The following CDH7 variants were observed in gnomAD, a reference collection of about 807,000 sequenced individuals.
The protein encoded by CDH7 is cadherin-7.
Under a neutral mutation model 71.8 loss-of-function variants are expected in CDH7, and 25 were observed. The ratio of observed to expected loss-of-function variants is 0.35; its 90% confidence interval spans 0.25 to 0.49. The LOEUF (loss-of-function observed/expected upper bound fraction) is 0.49, where lower values mean the gene tolerates loss of function less well. Among genes scored for constraint, CDH7 ranks in the 20% least tolerant of loss-of-function variants. CDH7 has a pLI of 0.99. For synonymous variants in CDH7, 381 were observed against 363.8 expected, an observed-to-expected ratio of 1.05 and a Z score of -0.54; for missense variants, 862 against 974.6, an observed-to-expected ratio of 0.88 and a Z score of 1.54.
chr18:65,854,896 G>A (rs191513804), intron 7 of CDH7, among the ~76,000 whole-genome samples: 93 of 146,092 alleles, frequency 6.4e-4, no homozygotes, highest in African/African-American at 2.1e-3. Context: ...ATACATATAC[G>A]TATGTATGTA....
intron 2 of CDH7, among the ~76,000 whole-genome samples, chr18:65,792,982 G>C (rs546613485): frequency 6.6e-6 from 1 of 152,216 alleles, no homozygotes; most frequent in African/African-American, 2.4e-5. Context: ...CCTTGATGCT[G>C]TACTCCGTGG....
intron 11 of CDH7, among the ~76,000 whole-genome samples, chr18:65,870,267 T>C (rs1314337001): frequency 1.3e-5 from 2 of 152,196 alleles, no homozygotes; most frequent in African/African-American, 4.8e-5. Context: ...AGTTGGTCCA[T>C]AAGTGCAAGA....
At chr18:65,848,862 G>C (rs1026409501) in intron 7 of CDH7, among the ~76,000 whole-genome samples, 3 of 152,074 alleles carry the variant, frequency 2.0e-5, no homozygotes, top group Non-Finnish European at 4.4e-5. Context: ...AGCATTCCTA[G>C]TATTGTATAT....
At chr18:65,863,703 T>C (rs1297144810) in intron 11 of CDH7, 1 of 152,222 alleles carries the variant, frequency 6.6e-6, no homozygotes, top group Non-Finnish European at 1.5e-5. Context: ...AATGCAAATC[T>C]TATATTTTTA....
At chr18:65,754,081 CA>C (rs1185721237) in intron 1 of CDH7, among the ~76,000 whole-genome samples, 1 of 152,132 alleles carries the variant, frequency 6.6e-6, no homozygotes, top group African/African-American at 2.4e-5. Context: ...ATAATTTTAC[CA>C]TTTTATTACA....
intron 2 of CDH7, among the ~76,000 whole-genome samples, chr18:65,770,133 G>A (rs75205363): frequency 0.013 from 2,040 of 152,210 alleles, 36 homozygotes; most frequent in African/African-American, 0.046. Context: ...GTTAGGTAAT[G>A]TTCATAATTT....
chr18:65,870,502 G>A (rs148958166), intron 11 of CDH7, among the ~76,000 whole-genome samples: 2 of 151,994 alleles, frequency 1.3e-5, no homozygotes, highest in African/African-American at 4.8e-5. Context: ...GCACTTACAT[G>A]GAATCTAAAT....
intron 2 of CDH7, among the ~76,000 whole-genome samples, chr18:65,773,493 G>T (rs897024733): frequency 1.3e-5 from 2 of 152,068 alleles, no homozygotes; most frequent in Non-Finnish European, 2.9e-5. Flanking sequence ...CTTAGTGGAA[G>T]CAGGAATTGT....
chr18:65,754,052 T>A (rs1915960534), intron 1 of CDH7, among the ~76,000 whole-genome samples: 1 of 151,982 alleles, frequency 6.6e-6, no homozygotes. Flanking sequence ...AAGAATAAAT[T>A]ATAAAAAACT....
intron 2 of CDH7, among the ~76,000 whole-genome samples, chr18:65,799,486 G>A (rs964249990): frequency 7.9e-5 from 12 of 152,060 alleles, no homozygotes; most frequent in Non-Finnish European, 1.5e-4. Flanking sequence ...GACCATCCTG[G>A]CTAAAGAGGT....
At chr18:65,778,863 G>C (rs1455074377) in intron 2 of CDH7, among the ~76,000 whole-genome samples, 1 of 151,814 alleles carries the variant, frequency 6.6e-6, no homozygotes, top group African/African-American at 2.4e-5. Flanking sequence ...TTCAACTAAT[G>C]GTTTTTATTT....
At chr18:65,851,246 G>T (rs893855953) in intron 7 of CDH7, among the ~76,000 whole-genome samples, 3 of 152,004 alleles carry the variant, frequency 2.0e-5, no homozygotes, top group Non-Finnish European at 4.4e-5. Flanking sequence ...TATCAAACCT[G>T]TACGATCCTT....
At position 65,781,784 on chromosome 18, in the gene CDH7, T is replaced by TTTCTTTCTTTCTA. The variant is rs1568181328; in HGVS notation, c.210+18733_210+18734insTCTTTCTTTCTAT. Among the ~76,000 whole-genome samples, 20 of 64,094 alleles carry TTTCTTTCTTTCTA rather than the reference T, an allele frequency of 3.1e-4. 2 individuals are homozygous for TTTCTTTCTTTCTA. Among genetic ancestry groups the TTTCTTTCTTTCTA allele is most frequent in the East Asian group, 8.6e-4 (2 of 2,322 alleles). The allele number at this position is 64,094 out of a possible 152,430, so 42.0% of individuals were successfully genotyped here. A position where few individuals can be genotyped will look rare whatever the true frequency, so the allele number is the denominator to read the frequency against. ...TTTCTTTCTTTCCTTCCTTCCTTCC[T>TTTCTTTCTTTCTA]TCCTTCCTTCCTTCCTTCCTTCCTT... On this transcript the variant is annotated intron_variant, in intron 2 of 11. Transcript: ENST00000397968.
chr18:65,832,829 T>G (rs926730362), intron 6 of CDH7, among the ~76,000 whole-genome samples: 1 of 152,126 alleles, frequency 6.6e-6, no homozygotes, highest in Admixed American at 6.6e-5. Context: ...TATATGGAAG[T>G]CTTTCCTCTA....
In CDH7 at chr18:65,888,078, G is replaced by T. The variant is rs1914418478; in HGVS notation, c.*7184G>T. On this transcript the variant is annotated 3_prime_UTR_variant, in exon 12 of 12. Transcript: ENST00000397968. The stretch of plus-strand genomic sequence containing the variant: ...AATGAGACATGAAGCATAAAACCTG[G>T]GGTCAGGATGTATGTCCAAACTGAA... 1 of 152,062 alleles carries T rather than the reference G, an allele frequency of 6.6e-6. No homozygotes were observed. The highest frequency in any genetic ancestry group is 2.4e-5 in the African/African-American group (1 of 41,394). 9.4% of individuals were successfully genotyped at this position (152,062 alleles called of 1,614,324 possible).
chr18:65,762,568 A>G (rs1334876202), intron 1 of CDH7, 79 bp from the exon 2 acceptor site: 4 of 232,042 alleles, frequency 1.7e-5, no homozygotes, highest in Non-Finnish European at 2.5e-5. Context: ...AAGAAAATCA[A>G]TAGTAGATTA....
At chr18:65,832,011 A>C (rs1236679678) in intron 6 of CDH7, among the ~76,000 whole-genome samples, 1 of 152,090 alleles carries the variant, frequency 6.6e-6, no homozygotes, top group Admixed American at 6.6e-5. Flanking sequence ...TAAAGTCATA[A>C]ATGTATTTGT....
At chr18:65,754,471 TA>T in intron 1 of CDH7, among the ~76,000 whole-genome samples, 1 of 152,274 alleles carries the variant, frequency 6.6e-6, no homozygotes, top group Non-Finnish European at 1.5e-5. Flanking sequence ...AATTAAAATG[TA>T]AAAAATTATA....
intron 5 of CDH7, among the ~76,000 whole-genome samples, chr18:65,822,897 G>A (rs1911987386): frequency 6.6e-6 from 1 of 151,816 alleles, no homozygotes; most frequent in Non-Finnish European, 1.5e-5. Flanking sequence ...TCTAGGTAGA[G>A]GTGTGCTGTT....
Sources: allele counts gnomAD v4.1 joint callset (sites outside exome capture counted in the v4.1 genomes callset), GRCh38; gene constraint gnomAD v4.1.1; transcripts MANE v1.5; gene names NCBI Gene and HGNC (gene_info 2026-07-23, HGNC 2026-07-21).